The following STAT5A variants were observed in gnomAD, a reference collection of about 807,000 sequenced individuals.
STAT5A encodes the protein signal transducer and activator of transcription 5A.
In STAT5A, 26 loss-of-function variants were observed where a neutral mutation model predicts 100.2. The ratio of observed to expected loss-of-function variants is 0.26; its 90% confidence interval spans 0.19 to 0.36. The LOEUF is 0.36. Ranked by LOEUF, STAT5A falls within the 10% of genes least tolerant of loss-of-function variation. STAT5A has a pLI of 1.00. For synonymous variants in STAT5A, 330 were observed against 424.3 expected, an observed-to-expected ratio of 0.78 and a Z score of 2.73; for missense variants, 634 against 1,027.5, an observed-to-expected ratio of 0.62 and a Z score of 5.24.
At chr17:42,298,682 AG>A (rs942007496) in intron 5 of STAT5A, among the ~76,000 whole-genome samples, 2 of 150,892 alleles carry the variant, frequency 1.3e-5, no homozygotes, top group African/African-American at 4.9e-5. Flanking sequence ...TGTGTTAGCC[AG>A]GATGGTCTCT....
intron 4 of STAT5A, among the ~76,000 whole-genome samples, chr17:42,294,931 T>C (rs1295799591): frequency 6.6e-6 from 1 of 151,500 alleles, no homozygotes; most frequent in Non-Finnish European, 1.5e-5. Context: ...GGAGTCTCGC[T>C]GTGTTGCCAA....
intron 11 of STAT5A, 51 bp from the exon 12 acceptor site, chr17:42,305,559 G>T (rs768861858): frequency 2.0e-6 from 3 of 1,484,568 alleles, no homozygotes; most frequent in South Asian, 2.3e-5. Context: ...CCTAAGCAGA[G>T]GGCACGTGGT....
intron 3 of STAT5A, among the ~76,000 whole-genome samples, chr17:42,290,363 C>T (rs2080858882): frequency 6.6e-6 from 1 of 152,082 alleles, no homozygotes; most frequent in Non-Finnish European, 1.5e-5. Context: ...ACCAGACCTC[C>T]CTCTTGGGGT....
At chr17:42,289,791 A>G (rs1373408460) in intron 2 of STAT5A, 75 bp from the exon 3 acceptor site, 7 of 1,445,368 alleles carry the variant, frequency 4.8e-6, no homozygotes, top group Non-Finnish European at 6.4e-6. Context: ...TGGGGTTTCC[A>G]CTTTATTCCA....
Position 42,309,081 on chromosome 17 carries a change from C to T in STAT5A, c.2097C>T (p.Ile699=), listed in dbSNP as rs747323810. The part of the protein sequence containing the change: ...KAVDGYVKPQ[I]KQVVPEFVNA... ...TTGATGGATATGTGAAACCACAGATCAAGCAAGTGGTCCCTGAGTAAGTGT... is the reference window on the plus strand; with the variant it reads ...TTGATGGATATGTGAAACCACAGATTAAGCAAGTGGTCCCTGAGTAAGTGT... Residue 699 remains isoleucine (I), a synonymous_variant, in exon 17 of 19, where the codon ATC becomes ATT. Coordinates refer to ENST00000590949, the MANE Select transcript of STAT5A (RefSeq NM_001288718.2). 8.7e-6 allele frequency: 14 copies of T among 1,614,210 alleles called. No homozygotes were observed. The highest frequency in any genetic ancestry group is 1.2e-5 in the Non-Finnish European group (14 of 1,180,024).
intron 4 of STAT5A, among the ~76,000 whole-genome samples, chr17:42,293,689 G>A (rs1228016629): frequency 3.9e-5 from 6 of 152,230 alleles, no homozygotes; most frequent in Non-Finnish European, 7.3e-5. Flanking sequence ...AGGGGGCCTA[G>A]GTGGAAAAAG....
rs750909459 is a variant in STAT5A, at chr17:42,301,381, C to G, written c.1096C>G (p.Pro366Ala). ...VGGKLNVHMN[P>A]PQVKATIISE... ...CGGGAAGCTGAACGTGCACATGAAT[C>G]CCCCCCAGGTGAAGGCCACCATCAT... is the stretch of plus-strand genomic sequence containing the variant. The change falls in exon 9 of 19, where the codon CCC (proline) becomes GCC (alanine). Residue 366 changes from proline to alanine, a missense_variant. Transcript: ENST00000590949. 2 of 1,613,768 alleles carry G rather than the reference C, an allele frequency of 1.2e-6. No individual in the cohort carries two copies. The highest frequency in any genetic ancestry group is 2.2e-5 in the South Asian group (2 of 91,062).
At position 42,309,434 on chromosome 17, in the gene STAT5A, C is replaced by T; in HGVS notation, c.2172C>T (p.Ala724=). 6.2e-7 allele frequency: 1 copy of T among 1,613,774 alleles called. No homozygotes were observed. The highest frequency in any genetic ancestry group is 8.5e-7 in the Non-Finnish European group (1 of 1,179,984). The change falls in exon 18 of 19, where the codon GCC becomes GCT. Residue 724 remains alanine, a synonymous_variant. Coordinates refer to ENST00000590949, the MANE Select transcript of STAT5A (RefSeq NM_001288718.2). ...GGSSATYMDQ[A]PSPAVCPQAP... ...GCAGCGCCACGTACATGGACCAGGC[C>T]CCCTCCCCAGCTGTGTGCCCCCAGG...
chr17:42,308,465 C>A lies in STAT5A; in HGVS notation c.2062+132C>A. 1 of 1,294,844 alleles carries A rather than the reference C, an allele frequency of 7.7e-7. No individual in the cohort carries two copies. The allele number at this position is 1,294,844 out of a possible 1,614,324, so 80.2% of individuals were successfully genotyped here. A position where few individuals can be genotyped will look rare whatever the true frequency, so the allele number is the denominator to read the frequency against. On this transcript the variant is annotated intron_variant, in intron 16 of 18. Coordinates refer to ENST00000590949, the MANE Select transcript of STAT5A (RefSeq NM_001288718.2). The surrounding 1 kb of genome is among the most constrained non-coding windows in gnomAD (Gnocchi z 4.6). ...GGGCCATGTCCCCTGTGGGTTTTGGCCCATGGGGTGGTGGAGAGGATTTCA... is the reference window on the plus strand; with the variant it reads ...GGGCCATGTCCCCTGTGGGTTTTGGACCATGGGGTGGTGGAGAGGATTTCA...
Position 42,308,432 on chromosome 17 carries a change from G to A in STAT5A, c.2062+99G>A, listed in dbSNP as rs767425288. Reference sequence around the variant, plus strand: ...TGCGCCGTGGGGACTTCCCCAGGAGGAGCCTAGGGGCCATGTCCCCTGTGG... The same window carrying A: ...TGCGCCGTGGGGACTTCCCCAGGAGAAGCCTAGGGGCCATGTCCCCTGTGG... On this transcript the variant is annotated intron_variant, in intron 16 of 18. Coordinates refer to ENST00000590949, the MANE Select transcript of STAT5A (RefSeq NM_001288718.2). The surrounding 1 kb of genome is among the most constrained non-coding windows in gnomAD (Gnocchi z 4.6). The A allele has an allele frequency of 1.2e-5, 18 of 1,546,274 alleles. No homozygotes were observed. The highest frequency in any genetic ancestry group is 1.6e-5 in the Non-Finnish European group (18 of 1,133,584).
Position 42,311,266 on chromosome 17 carries a change from A to AT in STAT5A, c.*598dup, listed in dbSNP as rs1413064330. On this transcript the variant is annotated 3_prime_UTR_variant, in exon 19 of 19. Coordinates refer to ENST00000590949, the MANE Select transcript of STAT5A (RefSeq NM_001288718.2). The stretch of plus-strand genomic sequence containing the variant: ...GGACTCCAGACTCTCTGTGAACCCT[A>AT]TGAGAGCGCGTCTGGGCCCGGCCAT... The AT allele has an allele frequency of 2.6e-5, 4 of 156,518 alleles. No individual in the cohort carries two copies. The highest frequency in any genetic ancestry group is 5.7e-5 in the Non-Finnish European group (4 of 70,280). 9.7% of individuals were successfully genotyped at this position (156,518 alleles called of 1,614,324 possible). A position where few individuals can be genotyped will look rare whatever the true frequency, so the allele number is the denominator to read the frequency against.
chr17:42,291,308 C>T (rs761173090), intron 3 of STAT5A, among the ~76,000 whole-genome samples: 16 of 152,202 alleles, frequency 1.1e-4, no homozygotes, highest in Non-Finnish European at 2.4e-4. Context: ...ACTTGCTCAC[C>T]GCCGCTCACC....
chr17:42,289,382 C>A lies in STAT5A; in HGVS notation c.-10-20C>A. On this transcript the variant is annotated intron_variant, in intron 1 of 18. Transcript: ENST00000590949. The stretch of plus-strand genomic sequence containing the variant: ...TTGGCCTCTGCAGAGGAGAGCGCTT[C>A]AGCGCTCGGCTCGCCCTAGGTGAAC... The A allele has an allele frequency of 1.9e-6, 3 of 1,591,428 alleles. No individual in the cohort carries two copies. The highest frequency in any genetic ancestry group is 2.3e-5 in the South Asian group (2 of 88,028).
intron 5 of STAT5A, among the ~76,000 whole-genome samples, chr17:42,297,044 C>T (rs1256719833): frequency 6.6e-6 from 1 of 152,172 alleles, no homozygotes; most frequent in Non-Finnish European, 1.5e-5. Context: ...TATTCTCATG[C>T]CTCAGCCTCC....
In STAT5A at chr17:42,308,863, G is replaced by T; in HGVS notation, c.2063-184G>T. The stretch of plus-strand genomic sequence containing the variant: ...CCAGAAGGAATGGGATTCAAGCCAG[G>T]GGTCTCAGTGACCCTCAGGCAGGAT... On this transcript the variant is annotated intron_variant, in intron 16 of 18. Coordinates refer to ENST00000590949, the MANE Select transcript of STAT5A (RefSeq NM_001288718.2). This position sits in a 1 kb window ranked among gnomAD's most constrained non-coding sequence, Gnocchi z 4.6. The T allele has an allele frequency of 1.4e-6, 1 of 692,890 alleles. No homozygotes were observed. The allele number at this position is 692,890 out of a possible 1,614,324, so 42.9% of individuals were successfully genotyped here. A position where few individuals can be genotyped will look rare whatever the true frequency, so the allele number is the denominator to read the frequency against.
chr17:42,306,528 G>A (rs1399871099), intron 13 of STAT5A, 81 bp downstream of exon 13: 1 of 1,548,852 alleles, frequency 6.5e-7, no homozygotes, highest in Non-Finnish European at 8.7e-7. Flanking sequence ...GTTACTGCCT[G>A]GGGCTAGCAC....
chr17:42,308,081 A>AAAG lies in STAT5A; in HGVS notation c.1907-96_1907-94dup. On this transcript the variant is annotated intron_variant, in intron 15 of 18. Transcript: ENST00000590949. The surrounding 1 kb of genome is among the most constrained non-coding windows in gnomAD (Gnocchi z 4.6). ...GGGCTGCAGCGCAAGCTACTATATAAAAGCCCAGATTTCTCTTGCAAGCCT... is the reference window on the plus strand; with the variant it reads ...GGGCTGCAGCGCAAGCTACTATATAAAAGAAGCCCAGATTTCTCTTGCAAGCCT... 1 of 1,525,518 alleles carries AAAG rather than the reference A, an allele frequency of 6.6e-7. No individual in the cohort carries two copies. Among genetic ancestry groups the AAAG allele is most frequent in the Non-Finnish European group, 8.9e-7 (1 of 1,125,162 alleles). 94.5% of individuals were successfully genotyped at this position (1,525,518 alleles called of 1,614,324 possible). A position where few individuals can be genotyped will look rare whatever the true frequency, so the allele number is the denominator to read the frequency against.
chr17:42,307,825 C>G, intron 15 of STAT5A, 102 bp downstream of exon 15: 1 of 1,506,618 alleles, frequency 6.6e-7, no homozygotes, highest in Non-Finnish European at 9.0e-7. Flanking sequence ...TAGAAGGTAC[C>G]CAGCGGGAAG....
At chr17:42,305,735 C>G in intron 12 of STAT5A, 33 bp downstream of exon 12, 1 of 1,609,418 alleles carries the variant, frequency 6.2e-7, no homozygotes, top group South Asian at 1.1e-5. Flanking sequence ...CCCCAGCACC[C>G]CCAGGCCCTA....
Sources: gnomAD v4.1 joint callset for allele counts (sites outside exome capture counted in the v4.1 genomes callset) on GRCh38, gnomAD v4.1.1 for gene constraint, Gnocchi (gnomAD v3.1) non-coding constraint, MANE v1.5 for transcripts, NCBI Gene and HGNC (gene_info 2026-07-23, HGNC 2026-07-21) for gene names.